Variants in HS1BP3 observed in about 807,000 individuals in gnomAD.
HS1BP3 encodes HCLS1 binding protein 3.
Under a neutral mutation model 33.5 loss-of-function variants are expected in HS1BP3, and 32 were observed. That is an observed-to-expected ratio of 0.95 (90% CI 0.72 to 1.28). The LOEUF is 1.28. Ranked by LOEUF, HS1BP3 falls within the 50% of genes most tolerant of loss-of-function variation. HS1BP3 has a pLI of 0.00. For synonymous variants in HS1BP3, 187 were observed against 209.2 expected (o/e 0.89, Z 0.92); for missense variants, 486 against 502.3 (o/e 0.97, Z 0.31).
intron 3 of HS1BP3, among the ~76,000 whole-genome samples, chr2:20,639,115 CAG>C (rs780691172): frequency 2.0e-5 from 3 of 152,240 alleles, no homozygotes; most frequent in Non-Finnish European, 2.9e-5. Context: ...ACTCTGCAGA[CAG>C]AGACCTGCCC....
At position 20,625,482 on chromosome 2, in the gene HS1BP3, G is replaced by A. The variant is rs577805790; in HGVS notation, c.624-590C>T. 3.9e-5 allele frequency among the ~76,000 whole-genome samples: 6 copies of A among 152,386 alleles called. No individual in the cohort carries two copies. In the East Asian group the frequency reaches 7.7e-4, roughly 20 times the overall value. ...CAGAAATGGGGATGGACCTGGTCTT[G>A]AGCCACAAACCTCAGGGCTAGGACT... On this transcript the variant is annotated intron_variant, in intron 4 of 6. Coordinates refer to ENST00000304031, the MANE Select transcript of HS1BP3 (RefSeq NM_022460.4).
intron 5 of HS1BP3, among the ~76,000 whole-genome samples, chr2:20,585,407 T>C (rs192696677): frequency 1.3e-5 from 2 of 152,304 alleles, no homozygotes; most frequent in East Asian, 3.9e-4. Flanking sequence ...GATAACTATA[T>C]ATTTGCCTTA....
In HS1BP3 at chr2:20,648,444, T is replaced by A. The variant is rs143748633; in HGVS notation, c.32+2588A>T. On this transcript the variant is annotated intron_variant, in intron 1 of 6. Transcript: ENST00000304031. The stretch of plus-strand genomic sequence containing the variant: ...ATCCTCATTTCTCCTCTGGTCTGAC[T>A]TGTCAGCAGCAGTGGGCACAGTCAG... 3.8e-4 allele frequency among the ~76,000 whole-genome samples: 58 copies of A among 152,324 alleles called. No homozygotes were observed. In the Middle Eastern group the frequency reaches 0.014, roughly 36 times the overall value.
intron 5 of HS1BP3, among the ~76,000 whole-genome samples, chr2:20,570,357 T>C (rs1352075547): frequency 6.6e-6 from 1 of 152,184 alleles, no homozygotes; most frequent in Non-Finnish European, 1.5e-5. Context: ...GTCAGGTTGC[T>C]GAACTTGAGC....
chr2:20,593,559 C>T (rs892704666), intron 3 of HS1BP3, among the ~76,000 whole-genome samples: 6 of 152,136 alleles, frequency 3.9e-5, no homozygotes, highest in African/African-American at 1.4e-4. Context: ...TGGTGTACCT[C>T]GGTTCTCATG....
At chr2:20,636,310 C>CA (rs1382742978) in intron 4 of HS1BP3, 2 of 151,666 alleles carry the variant, frequency 1.3e-5, no homozygotes, top group Non-Finnish European at 2.9e-5. Flanking sequence ...CTGGAACACA[C>CA]ACGGCTCTGG....
intron 5 of HS1BP3, among the ~76,000 whole-genome samples, chr2:20,578,407 C>T (rs1469754939): frequency 1.3e-5 from 2 of 152,332 alleles, no homozygotes; most frequent in East Asian, 3.9e-4. Context: ...AAAAGTTGCT[C>T]ACCATGGTAA....
chr2:20,621,801 G>T (rs1466668120), intron 6 of HS1BP3, among the ~76,000 whole-genome samples: 3 of 152,236 alleles, frequency 2.0e-5, no homozygotes, highest in Non-Finnish European at 4.4e-5. Flanking sequence ...GTCAGCCACG[G>T]TGGGAGGCAG....
At chr2:20,619,614 G>A (rs185209101) in intron 6 of HS1BP3, among the ~76,000 whole-genome samples, 58 of 152,310 alleles carry the variant, frequency 3.8e-4, no homozygotes, top group Middle Eastern at 3.4e-3. Flanking sequence ...CAGAGTTCCC[G>A]CTCTGTACAG....
At chr2:20,558,916 C>T (rs1692906734), downstream of HS1BP3, among the ~76,000 whole-genome samples, 1 of 152,160 alleles carries the variant, frequency 6.6e-6, no homozygotes, top group African/African-American at 2.4e-5. Context: ...GAGCGTGAGG[C>T]TAGGTTGAGA....
At chr2:20,555,564 G>A (rs557541291), downstream of HS1BP3, among the ~76,000 whole-genome samples, 27 of 152,246 alleles carry the variant, frequency 1.8e-4, no homozygotes, top group South Asian at 2.7e-3. Context: ...CCATGAAGAC[G>A]AAAGCCCCAG....
intron 5 of HS1BP3, among the ~76,000 whole-genome samples, chr2:20,580,775 G>A (rs1283573659): frequency 6.6e-6 from 1 of 152,164 alleles, no homozygotes; most frequent in African/African-American, 2.4e-5. Flanking sequence ...GAAAGTGGGG[G>A]TAAAAGAAAC....
intron 5 of HS1BP3, among the ~76,000 whole-genome samples, chr2:20,570,480 G>C (rs1017420316): frequency 6.6e-6 from 1 of 152,170 alleles, no homozygotes; most frequent in African/African-American, 2.4e-5. Flanking sequence ...CGGGCTCATT[G>C]GTACTCGATG....
At chr2:20,576,395 G>A (rs759782130) in intron 5 of HS1BP3, among the ~76,000 whole-genome samples, 4 of 152,176 alleles carry the variant, frequency 2.6e-5, no homozygotes, top group Non-Finnish European at 4.4e-5. Context: ...CACCTCCTCT[G>A]AGAAGCCTGC....
At position 20,607,022 on chromosome 2, in the gene HS1BP3, T is replaced by A. The variant is rs532947614; in HGVS notation, c.179-8757A>T. The stretch of plus-strand genomic sequence containing the variant: ...GTGCTCTTGGTGTCATATCTAATAA[T>A]CCATGGCCAAATCTCAGGTCATGAA... On this transcript the variant is annotated intron_variant, in intron 2 of 3. Coordinates refer to the HS1BP3 transcript ENST00000415264. 2.0e-5 allele frequency among the ~76,000 whole-genome samples: 3 copies of A among 152,220 alleles called. No individual in the cohort carries two copies. In the East Asian group the frequency reaches 5.8e-4, roughly 29 times the overall value.
intron 4 of HS1BP3, among the ~76,000 whole-genome samples, chr2:20,633,911 G>A (rs367890817): frequency 1.8e-4 from 27 of 152,380 alleles, no homozygotes; most frequent in South Asian, 1.0e-3. Flanking sequence ...TGCCGCCTGC[G>A]TGACGCTGCA....
At chr2:20,599,984 C>G (rs188267935) in intron 2 of HS1BP3, among the ~76,000 whole-genome samples, 6 of 152,218 alleles carry the variant, frequency 3.9e-5, no homozygotes, top group South Asian at 2.1e-4. Flanking sequence ...ATTCCAGATG[C>G]GAGCCCTCAG....
intron 5 of HS1BP3, among the ~76,000 whole-genome samples, chr2:20,562,617 T>C (rs1216133935): frequency 4.6e-5 from 7 of 152,188 alleles, no homozygotes; most frequent in Admixed American, 6.5e-5. Flanking sequence ...TTACAGCCAG[T>C]CAATCAGAAG....
At chr2:20,574,709 C>T (rs1268667735) in intron 5 of HS1BP3, among the ~76,000 whole-genome samples, 1 of 152,202 alleles carries the variant, frequency 6.6e-6, no homozygotes, top group South Asian at 2.1e-4. Flanking sequence ...CAGCAGCACC[C>T]GGGCAGGCAG....
Sources: gnomAD v4.1 joint callset for allele counts (sites outside exome capture counted in the v4.1 genomes callset) on GRCh38, gnomAD v4.1.1 for gene constraint, MANE v1.5 for transcripts, NCBI Gene and HGNC (gene_info 2026-07-23, HGNC 2026-07-21) for gene names.